SYCP2L: variants seen among roughly 807,000 people sequenced by gnomAD.
SYCP2L encodes synaptonemal complex protein 2 like.
SYCP2L carries 98 observed loss-of-function variants against 125.8 expected under a neutral mutation model. The ratio of observed to expected loss-of-function variants is 0.78; its 90% CI spans 0.66 to 0.92. SYCP2L has a LOEUF of 0.92. SYCP2L is among the 40% of genes least tolerant of loss of function. The probability of loss-of-function intolerance (pLI) is 0.00; values close to 1 mark genes in which losing one functional copy is unlikely to be tolerated. For synonymous variants in SYCP2L, 317 were observed against 325.4 expected (o/e 0.97, Z 0.28); for missense variants, 842 against 936.4 (o/e 0.90, Z 1.32).
chr6:10,939,360 A>C (rs1210761515), intron 21 of SYCP2L, among the ~76,000 whole-genome samples: 1 of 152,218 alleles, frequency 6.6e-6, no homozygotes, highest in African/African-American at 2.4e-5. Flanking sequence ...TTTTTCACAG[A>C]AATAGAAAAA....
chr6:10,918,128 G>T (rs1223881549), intron 14 of SYCP2L, among the ~76,000 whole-genome samples: 1 of 151,106 alleles, frequency 6.6e-6, no homozygotes, highest in Non-Finnish European at 1.5e-5. Context: ...AACCCAGGAG[G>T]AGGAGTTTGC....
chr6:10,917,472 C>T lies in SYCP2L; in HGVS notation c.1072+4545C>T, dbSNP rs563947717. The stretch of plus-strand genomic sequence containing the variant: ...TGATATGAGAATAACTACTCCTGCT[C>T]GCTTTTGGTGTCCTTTTGCATGAAA... On this transcript the variant is annotated intron_variant, in intron 14 of 29. Transcript: ENST00000283141. 2.6e-5 allele frequency among the ~76,000 whole-genome samples: 4 copies of T among 152,266 alleles called. No homozygotes were observed. In the South Asian group the frequency reaches 6.2e-4, roughly 24 times the overall value.
At chr6:10,937,227 T>C (rs886408116) in intron 21 of SYCP2L, among the ~76,000 whole-genome samples, 1 of 152,210 alleles carries the variant, frequency 6.6e-6, no homozygotes, top group Admixed American at 6.5e-5. Context: ...TTTGAAAAGA[T>C]TGAGATAATC....
chr6:10,910,294 A>C, intron 11 of SYCP2L, 94 bp downstream of exon 11: 1 of 1,150,552 alleles, frequency 8.7e-7, no homozygotes, highest in Admixed American at 1.9e-5. Context: ...ATTTTAGGAG[A>C]GAATATTGGG....
chr6:10,889,723 C>T (rs1027263739), intron 1 of SYCP2L, among the ~76,000 whole-genome samples: 4 of 150,556 alleles, frequency 2.7e-5, no homozygotes, highest in Non-Finnish European at 4.4e-5. Flanking sequence ...CGGGTTCAAG[C>T]GATTCTCTTG....
At chr6:10,906,452 C>A (rs931506316) in intron 9 of SYCP2L, among the ~76,000 whole-genome samples, 1 of 152,138 alleles carries the variant, frequency 6.6e-6, no homozygotes. Context: ...CATGCATTAT[C>A]ATTTTGCAGA....
At chr6:10,905,954 T>C in intron 8 of SYCP2L, 66 bp from the exon 9 acceptor site, 1 of 1,044,618 alleles carries the variant, frequency 9.6e-7, no homozygotes, top group East Asian at 2.5e-5. Flanking sequence ...AGTTTAATGC[T>C]AGTGTAGTAA....
chr6:10,900,643 G>A (rs1326860884), intron 6 of SYCP2L, among the ~76,000 whole-genome samples: 21 of 151,984 alleles, frequency 1.4e-4, no homozygotes, highest in Admixed American at 1.2e-3. Context: ...ATGAGCCATC[G>A]CGCCTAGACG....
At chr6:10,948,950 A>AT (rs1456402971) in intron 23 of SYCP2L, among the ~76,000 whole-genome samples, 1 of 151,986 alleles carries the variant, frequency 6.6e-6, no homozygotes, top group Non-Finnish European at 1.5e-5. Flanking sequence ...TTAGCATCAT[A>AT]TTTTTTAGTG....
At position 10,961,330 on chromosome 6, in the gene SYCP2L, A is replaced by C. The variant is rs922678875; in HGVS notation, c.2281A>C (p.Asn761His). 1.2e-6 allele frequency: 2 copies of C among 1,614,102 alleles called. No individual in the cohort carries two copies. Residue 761 changes from asparagine to histidine, a missense_variant, in exon 27 of 30, where the codon AAT becomes CAT. Asn to His is a moderately conservative substitution (Grantham distance 68, BLOSUM62 1). Coordinates refer to ENST00000283141, the MANE Select transcript of SYCP2L (RefSeq NM_001040274.3). ...ACTCAATAAACTAGAGCGCTTTCAA[A>C]ATTTGGTTCTTCAAGAGTTGAGCAG... ...FRLNKLERFQ[N>H]LVLQELSSLK...
At chr6:10,973,298 C>T (rs777967226) in intron 29 of SYCP2L, among the ~76,000 whole-genome samples, 5 of 152,094 alleles carry the variant, frequency 3.3e-5, no homozygotes, top group African/African-American at 4.8e-5. Context: ...TTTAGGAAGC[C>T]GAGGTGGGCG....
chr6:10,897,436 G>T (rs1262500317), intron 4 of SYCP2L, among the ~76,000 whole-genome samples: 3 of 147,904 alleles, frequency 2.0e-5, no homozygotes, highest in Non-Finnish European at 3.0e-5. Flanking sequence ...TGGAGGTGGG[G>T]TCTCGCTCTG....
chr6:10,953,576 T>C (rs1353504540), intron 23 of SYCP2L, among the ~76,000 whole-genome samples: 2 of 152,224 alleles, frequency 1.3e-5, no homozygotes, highest in African/African-American at 4.8e-5. Context: ...GAGATCTCCA[T>C]TGGGCATATC....
chr6:10,945,190 T>A (rs1781288731), intron 23 of SYCP2L, among the ~76,000 whole-genome samples: 1 of 152,214 alleles, frequency 6.6e-6, no homozygotes, highest in Non-Finnish European at 1.5e-5. Flanking sequence ...TTTTGAGATG[T>A]ACGTTATGGC....
At chr6:10,902,606 C>A in intron 6 of SYCP2L, 71 bp from the exon 7 acceptor site, 1 of 1,307,152 alleles carries the variant, frequency 7.7e-7, no homozygotes, top group East Asian at 2.4e-5. Context: ...GTGAAAAGCT[C>A]TGACCGTGTG....
Position 10,930,125 on chromosome 6 carries a change from T to C in SYCP2L, c.1489-245T>C, listed in dbSNP as rs1780964796. 1.9e-5 allele frequency: 6 copies of C among 320,080 alleles called. No homozygotes were observed. In the South Asian group the frequency reaches 3.4e-4, roughly 18 times the overall value. 19.8% of individuals were successfully genotyped at this position (320,080 alleles called of 1,614,324 possible). On this transcript the variant is annotated intron_variant, in intron 18 of 29. Coordinates refer to ENST00000283141, the MANE Select transcript of SYCP2L (RefSeq NM_001040274.3). ...CTTTTGAACAGTCATCCACCATCTC[T>C]TCTGTTGCAAACGTTTTATTAGAAA...
chr6:10,887,993 C>T lies in SYCP2L; in HGVS notation c.9+858C>T, dbSNP rs534322551. On this transcript the variant is annotated intron_variant, in intron 1 of 29. Coordinates refer to ENST00000283141, the MANE Select transcript of SYCP2L (RefSeq NM_001040274.3). ...ACTGAGCCATTTTTATGTGCCCAGG[C>T]ACTATGCTAAGAACATTACAGACAT... 1.2e-4 allele frequency among the ~76,000 whole-genome samples: 18 copies of T among 148,946 alleles called. 2 individuals carry two copies. In the South Asian group the frequency reaches 3.9e-3, roughly 32 times the overall value.
chr6:10,900,335 G>A (rs947168213), intron 6 of SYCP2L, among the ~76,000 whole-genome samples: 3 of 149,412 alleles, frequency 2.0e-5, no homozygotes, highest in African/African-American at 7.6e-5. Context: ...CAGAGCCAGA[G>A]CTCTTTCTTT....
intron 14 of SYCP2L, among the ~76,000 whole-genome samples, 174 bp from the exon 15 acceptor site, chr6:10,924,322 A>G (rs190226765): frequency 6.6e-6 from 1 of 152,356 alleles, no homozygotes. Flanking sequence ...GTGTAAATAC[A>G]TGTGCATCTA....
Sources: gnomAD v4.1 joint callset for allele counts (sites outside exome capture counted in the v4.1 genomes callset) on GRCh38, gnomAD v4.1.1 for gene constraint, MANE v1.5 for transcripts, NCBI Gene and HGNC (gene_info 2026-07-23, HGNC 2026-07-21) for gene names.